The following C12orf42 variants were observed in gnomAD, a reference collection of about 807,000 sequenced individuals.
C12orf42 encodes the protein uncharacterized protein C12orf42.
C12orf42 carries 25 observed loss-of-function variants against 21.6 expected under a neutral mutation model. The observed-to-expected ratio is 1.16, with a 90% confidence interval of 0.84 to 1.62. C12orf42 has a LOEUF of 1.62. C12orf42 is among the 40% of genes most tolerant of loss of function. The pLI, the probability that C12orf42 is intolerant of heterozygous loss-of-function variation, is 0.00. For missense variants in C12orf42, 483 were observed against 459.3 expected, an observed-to-expected ratio of 1.05 and a Z score of -0.47; for synonymous variants, 174 against 175.0, an observed-to-expected ratio of 0.99 and a Z score of 0.05.
chr12:103,240,624 T>G (rs931957663), intron 10 of C12orf42, among the ~76,000 whole-genome samples: 1 of 152,184 alleles, frequency 6.6e-6, no homozygotes, highest in Non-Finnish European at 1.5e-5. Flanking sequence ...AACCGCTGTT[T>G]CCATGTCCCA....
the C12orf42 span, among the ~76,000 whole-genome samples, chr12:103,534,288 A>T: frequency 6.6e-6 from 1 of 152,204 alleles, no homozygotes; most frequent in Non-Finnish European, 1.5e-5. Context: ...TCACATGCTT[A>T]CATGCTCTGG....
At chr12:103,412,991 T>G (rs1161923500) in intron 2 of C12orf42, among the ~76,000 whole-genome samples, 1 of 152,218 alleles carries the variant, frequency 6.6e-6, no homozygotes, top group Non-Finnish European at 1.5e-5. Context: ...TGTTTTGTTT[T>G]GTTGCAATTG....
chr12:103,149,334 A>G, the C12orf42 span, among the ~76,000 whole-genome samples: 1 of 152,208 alleles, frequency 6.6e-6, no homozygotes, highest in Non-Finnish European at 1.5e-5. Context: ...CTACCACTAA[A>G]AGTAATATAT....
At chr12:103,368,317 T>TCACACACA (rs3065785) in intron 4 of C12orf42, among the ~76,000 whole-genome samples, 8 of 146,622 alleles carry the variant, frequency 5.5e-5, no homozygotes, top group Admixed American at 3.4e-4. Flanking sequence ...TCTCTCTCTC[T>TCACACACA]CACACACACA....
the C12orf42 span, among the ~76,000 whole-genome samples, chr12:103,192,737 T>C: frequency 6.6e-6 from 1 of 152,152 alleles, no homozygotes; most frequent in African/African-American, 2.4e-5. Context: ...AGCACCTAAG[T>C]ACGGAAAGCG....
chr12:103,387,087 T>C (rs1471573924), intron 3 of C12orf42, among the ~76,000 whole-genome samples: 1 of 152,208 alleles, frequency 6.6e-6, no homozygotes, highest in Non-Finnish European at 1.5e-5. Flanking sequence ...CTAGTAATAA[T>C]TATTCTGGAA....
intron 4 of C12orf42, among the ~76,000 whole-genome samples, chr12:103,317,929 G>A (rs1475369215): frequency 1.3e-5 from 2 of 152,128 alleles, no homozygotes; most frequent in African/African-American, 2.4e-5. Flanking sequence ...TTCATTATAT[G>A]AGTATCCACA....
the C12orf42 span, among the ~76,000 whole-genome samples, chr12:103,536,427 T>C: frequency 6.6e-6 from 1 of 152,080 alleles, no homozygotes; most frequent in Non-Finnish European, 1.5e-5. Flanking sequence ...CTTTAACATA[T>C]AGATGTCAAT....
At chr12:103,388,840 G>A (rs1016136578) in intron 3 of C12orf42, among the ~76,000 whole-genome samples, 5 of 152,076 alleles carry the variant, frequency 3.3e-5, no homozygotes, top group Admixed American at 6.6e-5. Flanking sequence ...TGCCTCCTCC[G>A]CCTCCTCCTC....
At chr12:103,184,465 G>A in the C12orf42 span, among the ~76,000 whole-genome samples, 1,657 of 152,136 alleles carry the variant, frequency 0.011, 27 homozygotes, top group African/African-American at 0.037. Context: ...TTTGTAACTA[G>A]CATATAATTG....
chr12:103,546,945 A>T, the C12orf42 span, among the ~76,000 whole-genome samples: 1 of 152,200 alleles, frequency 6.6e-6, no homozygotes, highest in African/African-American at 2.4e-5. Context: ...TATTACCCTT[A>T]GCTTGTACCT....
At chr12:103,294,636 G>GAAAGAAAT (rs1480779632) in intron 4 of C12orf42, among the ~76,000 whole-genome samples, 1 of 144,190 alleles carries the variant, frequency 6.9e-6, no homozygotes, top group Non-Finnish European at 1.5e-5. Flanking sequence ...AAGAAAGAAA[G>GAAAGAAAT]AAGGAAAAGA....
At chr12:103,242,906 T>C (rs912560551) in intron 10 of C12orf42, among the ~76,000 whole-genome samples, 3 of 152,164 alleles carry the variant, frequency 2.0e-5, no homozygotes, top group African/African-American at 7.2e-5. Context: ...TCCACTTAAA[T>C]CCAATTTTCA....
chr12:103,167,964 T>A, the C12orf42 span: 1 of 438,024 alleles, frequency 2.3e-6, no homozygotes, highest in Admixed American at 2.4e-5. Flanking sequence ...AAGAACAGTC[T>A]CTAACAACTG....
rs183020743 is a variant in C12orf42, at chr12:103,392,534, T to C, written c.147+9073A>G. On this transcript the variant is annotated intron_variant, in intron 3 of 5. Coordinates refer to ENST00000548883, the MANE Select transcript of C12orf42 (RefSeq NM_198521.5). The stretch of plus-strand genomic sequence containing the variant: ...TGTTTTACAGTTTTCAACATACACA[T>C]CTTTTGCCTTCTTGGTTAAATTTAT... Among the ~76,000 whole-genome samples the C allele has an allele frequency of 3.6e-3, 552 of 152,336 alleles. 2 individuals are homozygous for C. The highest frequency in any genetic ancestry group is 8.1e-3 in the South Asian group (39 of 4,834).
the C12orf42 span, among the ~76,000 whole-genome samples, chr12:103,051,649 C>T: frequency 1.3e-5 from 2 of 152,168 alleles, no homozygotes; most frequent in Non-Finnish European, 2.9e-5. Flanking sequence ...GCTTCCTGAC[C>T]ATGGGTGTCA....
At chr12:103,114,900 C>A in the C12orf42 span, among the ~76,000 whole-genome samples, 1 of 152,140 alleles carries the variant, frequency 6.6e-6, no homozygotes, top group Non-Finnish European at 1.5e-5. Flanking sequence ...TTTACCAGGG[C>A]AAGCAAGAAA....
the C12orf42 span, among the ~76,000 whole-genome samples, chr12:103,219,365 G>A: frequency 4.6e-3 from 701 of 152,204 alleles, 23 homozygotes; most frequent in Admixed American, 0.041. Flanking sequence ...GACTTCATGA[G>A]TGAAACACCA....
chr12:103,370,398 T>A (rs1194530120), intron 3 of C12orf42, among the ~76,000 whole-genome samples: 1 of 152,148 alleles, frequency 6.6e-6, no homozygotes, highest in Non-Finnish European at 1.5e-5. Flanking sequence ...CAAAGGAATA[T>A]AAATCATTCT....
Sources: gnomAD v4.1 joint callset for allele counts (sites outside exome capture counted in the v4.1 genomes callset) on GRCh38, gnomAD v4.1.1 for gene constraint, MANE v1.5 for transcripts, NCBI Gene and HGNC (gene_info 2026-07-23, HGNC 2026-07-21) for gene names.